Variants in SETBP1 observed in about 807,000 individuals in gnomAD.
The protein encoded by SETBP1 is SET binding protein 1.
SETBP1 carries 9 observed loss-of-function variants against 101.0 expected under a neutral mutation model. The observed-to-expected ratio is 0.09, with a 90% CI of 0.05 to 0.16. SETBP1 has a LOEUF of 0.16. SETBP1 is among the 10% of genes least tolerant of loss of function. The probability of loss-of-function intolerance (pLI) is 1.00; values close to 1 mark genes in which losing one functional copy is unlikely to be tolerated. For missense variants in SETBP1, 1,858 were observed against 2,033.8 expected, an observed-to-expected ratio of 0.91 and a Z score of 1.66; for synonymous variants, 818 against 788.5, an observed-to-expected ratio of 1.04 and a Z score of -0.63.
At chr18:44,922,343 G>C (rs930706467) in intron 3 of SETBP1, among the ~76,000 whole-genome samples, 1 of 152,232 alleles carries the variant, frequency 6.6e-6, no homozygotes, top group African/African-American at 2.4e-5. Flanking sequence ...CATAGAGCTA[G>C]AGCCAGAACA....
intron 2 of SETBP1, among the ~76,000 whole-genome samples, chr18:44,824,114 T>C (rs1459919810): frequency 6.6e-6 from 1 of 152,074 alleles, no homozygotes; most frequent in Non-Finnish European, 1.5e-5. Context: ...AGTGGCTGCC[T>C]GTGTGTGTGT....
intron 2 of SETBP1, among the ~76,000 whole-genome samples, chr18:44,751,101 G>T (rs934077549): frequency 6.6e-6 from 1 of 152,206 alleles, no homozygotes; most frequent in African/African-American, 2.4e-5. Context: ...ACTATCTCCT[G>T]CAGGACATGG....
chr18:45,027,412 C>A (rs2073189303), intron 4 of SETBP1, among the ~76,000 whole-genome samples: 1 of 152,106 alleles, frequency 6.6e-6, no homozygotes, highest in Admixed American at 6.5e-5. Context: ...TGCAATAACC[C>A]AATGTCTCAT....
At chr18:44,888,465 C>G (rs1463174227) in intron 3 of SETBP1, among the ~76,000 whole-genome samples, 1 of 152,026 alleles carries the variant, frequency 6.6e-6, no homozygotes, top group Non-Finnish European at 1.5e-5. Context: ...ATTTATCTTC[C>G]CTCAAGCCTT....
intron 3 of SETBP1, among the ~76,000 whole-genome samples, chr18:44,912,631 A>C (rs1045799278): frequency 6.6e-6 from 1 of 151,966 alleles, no homozygotes; most frequent in Non-Finnish European, 1.5e-5. Context: ...GTTTGCCAGG[A>C]TGGTCTCCAT....
At chr18:44,692,659 A>G (rs894887862) in intron 1 of SETBP1, among the ~76,000 whole-genome samples, 1 of 152,204 alleles carries the variant, frequency 6.6e-6, no homozygotes, top group Non-Finnish European at 1.5e-5. Flanking sequence ...AAGTGAGAGC[A>G]AGACCGTGCG....
intron 3 of SETBP1, among the ~76,000 whole-genome samples, chr18:44,892,326 G>C (rs1199085346): frequency 1.3e-5 from 2 of 152,154 alleles, no homozygotes; most frequent in African/African-American, 2.4e-5. Context: ...TTAGAGAATG[G>C]CCTTATATGG....
At chr18:44,958,624 G>C (rs935307430) in intron 4 of SETBP1, among the ~76,000 whole-genome samples, 10 of 152,074 alleles carry the variant, frequency 6.6e-5, no homozygotes, top group Non-Finnish European at 1.2e-4. Context: ...AGCTCAGACT[G>C]GGAAGCTTCA....
At chr18:44,772,294 A>C (rs1247111514) in intron 2 of SETBP1, among the ~76,000 whole-genome samples, 1 of 152,168 alleles carries the variant, frequency 6.6e-6, no homozygotes, top group Non-Finnish European at 1.5e-5. Context: ...GCGCCATTTC[A>C]CATGTGGGGA....
chr18:44,998,839 C>A (rs1284531108), intron 4 of SETBP1, among the ~76,000 whole-genome samples: 2 of 152,144 alleles, frequency 1.3e-5, no homozygotes, highest in Non-Finnish European at 2.9e-5. Context: ...TCTAAAATAG[C>A]CCTAACAGAA....
intron 4 of SETBP1, among the ~76,000 whole-genome samples, chr18:45,017,629 G>A (rs79209811): frequency 7.2e-4 from 109 of 152,324 alleles, no homozygotes; most frequent in African/African-American, 2.3e-3. Flanking sequence ...GTGCTGCCTC[G>A]TTACTAATGA....
chr18:44,887,476 A>G (rs187075890), intron 3 of SETBP1, among the ~76,000 whole-genome samples: 35 of 152,270 alleles, frequency 2.3e-4, no homozygotes, highest in Admixed American at 2.2e-3. Context: ...CTGAGCATGA[A>G]CAAGATTACC....
At chr18:44,685,044 G>T (rs2068814356) in intron 1 of SETBP1, among the ~76,000 whole-genome samples, 1 of 152,130 alleles carries the variant, frequency 6.6e-6, no homozygotes, top group African/African-American at 2.4e-5. Flanking sequence ...AATGTGAGCA[G>T]CCCTGAAGTC....
At chr18:44,786,037 C>T (rs966300044) in intron 2 of SETBP1, among the ~76,000 whole-genome samples, 1 of 152,166 alleles carries the variant, frequency 6.6e-6, no homozygotes, top group Non-Finnish European at 1.5e-5. Context: ...GGTGCTTCTT[C>T]CTCTAGTTCA....
chr18:44,703,013 T>G (rs1042869500), intron 2 of SETBP1, among the ~76,000 whole-genome samples: 3 of 152,240 alleles, frequency 2.0e-5, no homozygotes, highest in Non-Finnish European at 1.5e-5. Context: ...TTTCATTGAA[T>G]TTATTTTATA....
chr18:44,736,275 A>G (rs1338572049), intron 2 of SETBP1, among the ~76,000 whole-genome samples: 1 of 152,182 alleles, frequency 6.6e-6, no homozygotes, highest in Non-Finnish European at 1.5e-5. Flanking sequence ...GCTACTCAGG[A>G]TGCTGAGGAA....
At chr18:44,767,587 A>G (rs530375280) in intron 2 of SETBP1, among the ~76,000 whole-genome samples, 51 of 152,172 alleles carry the variant, frequency 3.4e-4, no homozygotes, top group Non-Finnish European at 6.6e-4. Flanking sequence ...AAAAGATTAA[A>G]CAGGTTAGTA....
At position 44,952,695 on chromosome 18, in the gene SETBP1, G is replaced by A. The variant is rs1204897370; in HGVS notation, c.3355G>A (p.Gly1119Arg). Residue 1119 changes from glycine to arginine, a missense_variant, in exon 4 of 6, where the codon GGA (glycine) becomes AGA (arginine). This residue lies in a region of SETBP1 where 417 missense variants were observed against 389.1 expected (regional missense o/e 1.07). Transcript: ENST00000649279. The part of the protein sequence containing the change: ...HKAKHGVHLQ[G>R]PVSMGLGDMQ... ...AGCCAAGCATGGAGTACACCTGCAG[G>A]GACCTGTTAGCATGGGCCTTGGTGA... 1.2e-6 allele frequency: 2 copies of A among 1,614,124 alleles called. No homozygotes were observed. The highest frequency in any genetic ancestry group is 2.2e-5 in the East Asian group (1 of 44,868).
intron 3 of SETBP1, among the ~76,000 whole-genome samples, chr18:44,889,836 A>T (rs1343212874): frequency 1.3e-5 from 2 of 152,130 alleles, no homozygotes; most frequent in Non-Finnish European, 2.9e-5. Context: ...GGCCAATAGA[A>T]ATTCTTCTGC....
Sources: gnomAD v4.1 joint callset for allele counts (sites outside exome capture counted in the v4.1 genomes callset) on GRCh38, gnomAD v4.1.1 for gene constraint, gnomAD v4.1.1 regional missense constraint, MANE v1.5 for transcripts, NCBI Gene and HGNC (gene_info 2026-07-23, HGNC 2026-07-21) for gene names.